Variants in NACC2 observed in about 807,000 individuals in gnomAD.
NACC2 encodes nucleus accumbens-associated protein 2.
NACC2 carries 8 observed loss-of-function variants against 25.1 expected under a neutral mutation model. The ratio of observed to expected loss-of-function variants is 0.32; its 90% CI spans 0.19 to 0.57. NACC2 has a LOEUF of 0.57. NACC2 is among the 20% of genes least tolerant of loss of function. The probability of loss-of-function intolerance (pLI) is 0.89; values close to 1 mark genes in which losing one functional copy is unlikely to be tolerated. For synonymous variants in NACC2, 435 were observed against 294.7 expected (o/e 1.48, Z -4.88); for missense variants, 644 against 650.2 (o/e 0.99, Z 0.10).
rs898489311 is a variant in NACC2 at position 136,050,536 on chromosome 9, G to A, written c.-15C>T. ...ATCTGAGACATGGCGGGCGGGCAGC[G>A]GCGGGGCTGGGCTCTCAGCGCGGGG... On this transcript the variant is annotated 5_prime_UTR_variant, in exon 2 of 6. Transcript: ENST00000277554. The A allele has an allele frequency of 3.4e-5, 26 of 754,512 alleles. No individual in the cohort carries two copies. Among genetic ancestry groups the A allele is most frequent in the African/African-American group, 2.0e-4 (12 of 58,860 alleles). 46.7% of individuals were successfully genotyped at this position (754,512 alleles called of 1,614,324 possible). A position where few individuals can be genotyped will look rare whatever the true frequency, so the allele number is the denominator to read the frequency against.
Position 136,011,615 on chromosome 9 carries a change from G to T in NACC2, c.1665C>A (p.Pro555=). ...PEPLPADGQS[P]PQPFEQGGGG... ...CCCCGCCCTGCTCAAAGGGCTGTGG[G>T]GGGCTCTGGCCATCGGCGGGCAGCG... The change falls in exon 6 of 6, where the codon CCC becomes CCA. Residue 555 remains proline (P), a synonymous_variant. Transcript: ENST00000277554. The T allele has an allele frequency of 7.0e-7, 1 of 1,430,246 alleles. No individual in the cohort carries two copies. Among genetic ancestry groups the T allele is most frequent in the Non-Finnish European group, 9.1e-7 (1 of 1,099,320 alleles). The allele number at this position is 1,430,246 out of a possible 1,614,324, so 88.6% of individuals were successfully genotyped here.
Position 136,011,728 on chromosome 9 carries a change from G to C in NACC2, c.1552C>G (p.Leu518Val). Residue 518 changes from leucine to valine, a missense_variant, in exon 6 of 6, where the codon CTG becomes GTG. Leu to Val is a conservative substitution (Grantham distance 32). Coordinates refer to ENST00000277554, the MANE Select transcript of NACC2 (RefSeq NM_144653.5). ...ALRTDAVNVD[L>V]SAAANPAFDA... is the part of the protein sequence containing the mutation. Reference sequence around the variant, plus strand: ...AAGGCGGGGTTGGCGGCGGCACTCAGGTCAACATTCACGGCGTCAGTTCTC... The same window carrying C: ...AAGGCGGGGTTGGCGGCGGCACTCACGTCAACATTCACGGCGTCAGTTCTC... 1 of 1,534,732 alleles carries C rather than the reference G, an allele frequency of 6.5e-7. No individual in the cohort carries two copies. The highest frequency in any genetic ancestry group is 8.8e-7 in the Non-Finnish European group (1 of 1,141,186).
chr9:136,088,443 A>G lies in NACC2; in HGVS notation c.-60+6746T>C, dbSNP rs148220005. Among the ~76,000 whole-genome samples the G allele has an allele frequency of 2.9e-3, 444 of 152,100 alleles. 3 individuals are homozygous for G. The highest frequency in any genetic ancestry group is 1.0e-2 in the African/African-American group (414 of 41,464). On this transcript the variant is annotated intron_variant, in intron 1 of 5. Transcript: ENST00000277554. ...ACATCTTTCCCAGCAGCTGCCCCTG[A>G]GCCCCTGGAAGCTGCAAAGCCACAG... is the stretch of plus-strand genomic sequence containing the variant.
intron 1 of NACC2, among the ~76,000 whole-genome samples, chr9:136,051,513 A>AG (rs1840836141): frequency 6.6e-6 from 1 of 151,942 alleles, no homozygotes; most frequent in Non-Finnish European, 1.5e-5. Flanking sequence ...CGGACTCCGG[A>AG]GGGGGCGGGG....
At chr9:136,014,480 A>C (rs779767108) in intron 3 of NACC2, among the ~76,000 whole-genome samples, 12 of 152,088 alleles carry the variant, frequency 7.9e-5, no homozygotes, top group South Asian at 2.1e-4. Context: ...ATTTTGATGA[A>C]GTCTCCCTAT....
At chr9:136,091,842 A>C (rs1431098500) in intron 1 of NACC2, among the ~76,000 whole-genome samples, 1 of 151,410 alleles carries the variant, frequency 6.6e-6, no homozygotes, top group Non-Finnish European at 1.5e-5. Context: ...TAAAAAAAAA[A>C]CCAACAACAA....
chr9:136,024,542 G>A (rs1314085641), intron 2 of NACC2, among the ~76,000 whole-genome samples: 1 of 140,558 alleles, frequency 7.1e-6, no homozygotes, highest in Non-Finnish European at 1.6e-5. Flanking sequence ...TGGACAGTGT[G>A]TGTGAGGACA....
chr9:136,093,961 G>A (rs1025964686), intron 1 of NACC2, among the ~76,000 whole-genome samples: 36 of 152,242 alleles, frequency 2.4e-4, no homozygotes, highest in African/African-American at 8.4e-4. Flanking sequence ...GAGCCTGCCA[G>A]ACGAAAAGAG....
At chr9:136,054,929 G>C (rs1840901745) in intron 1 of NACC2, among the ~76,000 whole-genome samples, 1 of 152,058 alleles carries the variant, frequency 6.6e-6, no homozygotes, top group Admixed American at 6.5e-5. Flanking sequence ...GTGACCCAAG[G>C]CCCGAGTCCA....
Position 136,022,164 on chromosome 9 carries a change from C to G in NACC2, c.887-5735G>C, listed in dbSNP as rs1840303543. On this transcript the variant is annotated intron_variant, in intron 2 of 5. Coordinates refer to ENST00000277554, the MANE Select transcript of NACC2 (RefSeq NM_144653.5). The surrounding 1 kb of genome is among the most constrained non-coding windows in gnomAD (Gnocchi z 4.4). ...GCAACCTGTGAGGGACACTTGTGAA[C>G]TTGGTGGCATCAGGCGCAGAGCAGG... Among the ~76,000 whole-genome samples the G allele has an allele frequency of 6.6e-6, 1 of 152,218 alleles. No homozygotes were observed. The highest frequency in any genetic ancestry group is 1.5e-5 in the Non-Finnish European group (1 of 68,038).
chr9:136,011,912 C>T lies in NACC2; in HGVS notation c.1368G>A (p.Lys456=). 6.3e-7 allele frequency: 1 copy of T among 1,593,260 alleles called. No homozygotes were observed. Residue 456 remains lysine, a synonymous_variant, in exon 6 of 6, where the codon AAG becomes AAA. Transcript: ENST00000277554. ...RVRKRWLPKI[K]SMLPEGVEMY... ...TCTCCACGCCCTCCGGCAGCATGGA[C>T]TTGATCTTGGGCAGCCAGCGCTTGC... is the stretch of plus-strand genomic sequence containing the variant.
intron 1 of NACC2, 73 bp from the exon 2 acceptor site, chr9:136,050,653 C>A: frequency 3.0e-6 from 2 of 656,814 alleles, no homozygotes; most frequent in Non-Finnish European, 5.5e-6. Flanking sequence ...CGTTCCCACC[C>A]CCTCCTCCCC....
At chr9:136,030,294 T>C (rs981486786) in intron 2 of NACC2, among the ~76,000 whole-genome samples, 3 of 152,136 alleles carry the variant, frequency 2.0e-5, no homozygotes, top group Non-Finnish European at 2.9e-5. Flanking sequence ...ATCCCTGTTG[T>C]AGACATTCAG....
At chr9:136,021,054 GA>G (rs1263094875) in intron 2 of NACC2, among the ~76,000 whole-genome samples, 1 of 152,188 alleles carries the variant, frequency 6.6e-6, no homozygotes, top group Non-Finnish European at 1.5e-5. Context: ...TCATCAGAAT[GA>G]AAAACTTCCG....
At chr9:136,091,218 C>T (rs1292285648) in intron 1 of NACC2, among the ~76,000 whole-genome samples, 2 of 152,254 alleles carry the variant, frequency 1.3e-5, no homozygotes, top group Non-Finnish European at 2.9e-5. Flanking sequence ...GCCCCCAGGC[C>T]AGCCCCAGCC....
At chr9:136,048,461 C>A (rs1840761352) in intron 2 of NACC2, among the ~76,000 whole-genome samples, 1 of 152,228 alleles carries the variant, frequency 6.6e-6, no homozygotes, top group African/African-American at 2.4e-5. Context: ...CAAATCAAGC[C>A]CTACCCCCTA....
At chr9:136,077,975 T>C (rs11103314) in intron 1 of NACC2, among the ~76,000 whole-genome samples, 36,628 of 152,146 alleles carry the variant, frequency 0.24, 4,616 homozygotes, top group East Asian at 0.44. Flanking sequence ...GGTTTCACCA[T>C]GTTAGCCAGG....
At chr9:136,075,851 T>C (rs1250915675) in intron 1 of NACC2, among the ~76,000 whole-genome samples, 4 of 152,202 alleles carry the variant, frequency 2.6e-5, no homozygotes, top group Non-Finnish European at 5.9e-5. Context: ...TCATCTCCTC[T>C]GGAGTGAGAG....
chr9:136,050,681 G>A (rs995624997), intron 1 of NACC2, 101 bp from the exon 2 acceptor site: 10 of 637,528 alleles, frequency 1.6e-5, no homozygotes, highest in African/African-American at 1.8e-5. Flanking sequence ...GGCTTACAAA[G>A]AGCGAGCCTT....
Sources: allele counts gnomAD v4.1 joint callset (sites outside exome capture counted in the v4.1 genomes callset), GRCh38; gene constraint gnomAD v4.1.1; non-coding constraint Gnocchi (gnomAD v3.1); transcripts MANE v1.5; gene names NCBI Gene and HGNC (gene_info 2026-07-23, HGNC 2026-07-21).